The following AGO3 variants were observed in gnomAD, a reference collection of about 807,000 sequenced individuals.
AGO3 encodes the protein protein argonaute-3.
AGO3 carries 16 observed loss-of-function variants against 105.5 expected under a neutral mutation model. The observed-to-expected ratio is 0.15, with a 90% confidence interval of 0.10 to 0.23. AGO3 has a LOEUF of 0.23. AGO3 is among the 10% of genes least tolerant of loss of function. The pLI is 1.00. For missense variants in AGO3, 534 were observed against 1,088.0 expected, an observed-to-expected ratio of 0.49 and a Z score of 7.16; for synonymous variants, 340 against 367.3, an observed-to-expected ratio of 0.93 and a Z score of 0.85.
At chr1:35,981,721 C>T (rs998551716) in intron 5 of AGO3, among the ~76,000 whole-genome samples, 2 of 152,198 alleles carry the variant, frequency 1.3e-5, no homozygotes, top group African/African-American at 4.8e-5. Context: ...TTCCAAACCA[C>T]CCTCCACTTA....
At chr1:35,938,901 C>A (rs1399651307) in intron 1 of AGO3, among the ~76,000 whole-genome samples, 2 of 151,714 alleles carry the variant, frequency 1.3e-5, no homozygotes, top group Admixed American at 6.6e-5. Flanking sequence ...TTTAGACTTT[C>A]CAACTGGTAC....
chr1:35,963,537 T>G (rs1423952970), intron 2 of AGO3, among the ~76,000 whole-genome samples: 1 of 151,634 alleles, frequency 6.6e-6, no homozygotes, highest in Non-Finnish European at 1.5e-5. Flanking sequence ...GGAAAGAAAA[T>G]CAGTTAGAAG....
intron 2 of AGO3, among the ~76,000 whole-genome samples, chr1:35,963,254 G>A (rs1260212064): frequency 6.6e-6 from 1 of 152,106 alleles, no homozygotes; most frequent in African/African-American, 2.4e-5. Context: ...CAATGCTGGG[G>A]GAGTGGATAG....
At chr1:36,019,638 T>C (rs1221798788) in intron 11 of AGO3, among the ~76,000 whole-genome samples, 1 of 152,262 alleles carries the variant, frequency 6.6e-6, no homozygotes, top group Non-Finnish European at 1.5e-5. Context: ...AGTGTTCAGA[T>C]GTAGCAGAAA....
intron 16 of AGO3, among the ~76,000 whole-genome samples, chr1:36,043,032 C>T (rs2148852427): frequency 6.6e-6 from 1 of 152,308 alleles, no homozygotes; most frequent in African/African-American, 2.4e-5. Context: ...TGTTGTTGAT[C>T]TTGTCAGCAT....
chr1:36,034,776 A>G (rs1211095063), intron 13 of AGO3, among the ~76,000 whole-genome samples: 2 of 152,170 alleles, frequency 1.3e-5, no homozygotes, highest in Admixed American at 6.5e-5. Context: ...TCATGAGACT[A>G]CTCACCTACC....
At chr1:36,029,231 A>G (rs1026065850) in intron 12 of AGO3, among the ~76,000 whole-genome samples, 2 of 152,170 alleles carry the variant, frequency 1.3e-5, no homozygotes, top group African/African-American at 4.8e-5. Flanking sequence ...AATAAGCTAA[A>G]TATAAATCAT....
chr1:35,981,393 C>T (rs577654010), intron 5 of AGO3, among the ~76,000 whole-genome samples: 2 of 152,146 alleles, frequency 1.3e-5, no homozygotes, highest in Non-Finnish European at 2.9e-5. Context: ...CCTCTCTCCT[C>T]CATTGTTCTG....
At chr1:36,018,830 T>G (rs1016741989) in intron 11 of AGO3, among the ~76,000 whole-genome samples, 5 of 151,988 alleles carry the variant, frequency 3.3e-5, no homozygotes, top group African/African-American at 1.2e-4. Flanking sequence ...AGGCATGAAC[T>G]TGGAAAAAAT....
In AGO3 at chr1:35,972,087, A is replaced by G. The variant is rs748688978; in HGVS notation, c.376A>G (p.Lys126Glu). Residue 126 changes from lysine to glutamate, a missense_variant, in exon 4 of 19, where the codon AAA becomes GAA. Physicochemically the swap from Lys to Glu is moderately conservative, Grantham distance 56. Around this residue, in one of 2 missense-constraint regions of AGO3, gnomAD observed 161 missense variants for 234.0 expected, o/e 0.69. Transcript: ENST00000373191. ...AGATCGACCTTTCAAGGTGTCAATCAAATTTGTCTCTCGGGTGAGTTGGCA... is the reference window on the plus strand; with the variant it reads ...AGATCGACCTTTCAAGGTGTCAATCGAATTTGTCTCTCGGGTGAGTTGGCA... The part of the protein sequence containing the change: ...GKDRPFKVSI[K>E]FVSRVSWHLL... 6.2e-7 allele frequency: 1 copy of G among 1,614,126 alleles called. No individual in the cohort carries two copies. The highest frequency in any genetic ancestry group is 8.5e-7 in the Non-Finnish European group (1 of 1,180,026).
At chr1:36,015,254 G>A (rs1332932513) in intron 11 of AGO3, among the ~76,000 whole-genome samples, 2 of 152,138 alleles carry the variant, frequency 1.3e-5, no homozygotes, top group Non-Finnish European at 2.9e-5. Flanking sequence ...TATTCCAAAG[G>A]ATGCAGTAAA....
chr1:35,934,583 AAT>A (rs1646114120), intron 1 of AGO3, among the ~76,000 whole-genome samples: 1 of 152,200 alleles, frequency 6.6e-6, no homozygotes, highest in African/African-American at 2.4e-5. Flanking sequence ...ATGGGTCAAA[AAT>A]ACCTACTAAA....
At chr1:35,950,883 C>A (rs1483679863) in intron 2 of AGO3, among the ~76,000 whole-genome samples, 1 of 152,096 alleles carries the variant, frequency 6.6e-6, no homozygotes, top group Non-Finnish European at 1.5e-5. Context: ...ATTATAACTG[C>A]AATATCTATT....
In AGO3 at chr1:36,055,753, A is replaced by C; in HGVS notation, c.*8A>C. 6.2e-7 allele frequency: 1 copy of C among 1,612,352 alleles called. No individual in the cohort carries two copies. Among genetic ancestry groups the C allele is most frequent in the African/African-American group, 1.3e-5 (1 of 75,028 alleles). On this transcript the variant is annotated 3_prime_UTR_variant, in exon 19 of 19. Transcript: ENST00000373191. The surrounding 1 kb of genome is among the most constrained non-coding windows in gnomAD (Gnocchi z 4.4). ...ACAATGTACTTCGCTTAAATAGTCC[A>C]AGTATATTCTCTGAGAGGAAGTACT...
At chr1:35,936,862 A>G (rs1646157556) in intron 1 of AGO3, among the ~76,000 whole-genome samples, 1 of 152,150 alleles carries the variant, frequency 6.6e-6, no homozygotes. Context: ...GTGAGCCACC[A>G]TGCCCACCCA....
At chr1:35,963,469 TCAAA>T (rs1646715007) in intron 2 of AGO3, among the ~76,000 whole-genome samples, 2 of 152,076 alleles carry the variant, frequency 1.3e-5, no homozygotes, top group South Asian at 4.1e-4. Flanking sequence ...AGAATGTTCA[TCAAA>T]CAAATTAGAA....
Position 36,071,699 on chromosome 1 carries a change from A to G in AGO3, c.*15954A>G, listed in dbSNP as rs1246464213. 6.6e-6 allele frequency: 1 copy of G among 152,186 alleles called. No individual in the cohort carries two copies. The highest frequency in any genetic ancestry group is 1.5e-5 in the Non-Finnish European group (1 of 68,038). 9.4% of individuals were successfully genotyped at this position (152,186 alleles called of 1,614,324 possible). ...CAAGACTGCAGAATTTCAAGTGTAT[A>G]TCTATAAATCTTTTTTTAAAATCTT... is the stretch of plus-strand genomic sequence containing the variant. On this transcript the variant is annotated 3_prime_UTR_variant, in exon 19 of 19. Transcript: ENST00000373191.
At chr1:35,965,673 T>A (rs1646760105) in intron 2 of AGO3, among the ~76,000 whole-genome samples, 1 of 151,884 alleles carries the variant, frequency 6.6e-6, no homozygotes, top group South Asian at 2.1e-4. Flanking sequence ...GTAGTTTCAG[T>A]AAAACAAAAT....
rs920495008 is a variant in AGO3, at chr1:36,058,425, A to G, written c.*2680A>G. 6.6e-6 allele frequency: 1 copy of G among 152,106 alleles called. No homozygotes were observed. The highest frequency in any genetic ancestry group is 1.5e-5 in the Non-Finnish European group (1 of 68,026). 9.4% of individuals were successfully genotyped at this position (152,106 alleles called of 1,614,324 possible). Reference sequence around the variant, plus strand: ...AGCTTTGCACTTTGTAACTCATGAAAATTGCATTTTGATTTTTTTTTTTTT... The same window carrying G: ...AGCTTTGCACTTTGTAACTCATGAAGATTGCATTTTGATTTTTTTTTTTTT... On this transcript the variant is annotated 3_prime_UTR_variant, in exon 19 of 19. Transcript: ENST00000373191.
Sources: gnomAD v4.1 joint callset for allele counts (sites outside exome capture counted in the v4.1 genomes callset) on GRCh38, gnomAD v4.1.1 for gene constraint, gnomAD v4.1.1 regional missense constraint, Gnocchi (gnomAD v3.1) non-coding constraint, MANE v1.5 for transcripts, NCBI Gene and HGNC (gene_info 2026-07-23, HGNC 2026-07-21) for gene names.